Variants in RIT2 observed in about 807,000 individuals in gnomAD.
The protein encoded by RIT2 is Ras like without CAAX 2.
RIT2 carries 24 observed loss-of-function variants against 23.7 expected under a neutral mutation model. That is an observed-to-expected ratio of 1.01 (90% CI 0.73 to 1.43). The LOEUF (loss-of-function observed/expected upper bound fraction) is 1.43, where lower values mean the gene tolerates loss of function less well. Ranked by LOEUF, RIT2 falls within the 40% of genes most tolerant of loss-of-function variation. The probability of loss-of-function intolerance (pLI) is 0.00; values close to 1 mark genes in which losing one functional copy is unlikely to be tolerated. For synonymous variants in RIT2, 107 were observed against 91.1 expected (o/e 1.17, Z -0.99); for missense variants, 236 against 266.9 (o/e 0.88, Z 0.81).
At chr18:42,762,473 C>T (rs1295077463) in intron 4 of RIT2, among the ~76,000 whole-genome samples, 4 of 152,110 alleles carry the variant, frequency 2.6e-5, no homozygotes, top group African/African-American at 9.7e-5. Flanking sequence ...AAGATCATTA[C>T]ATTCTAACAA....
chr18:42,828,857 T>C (rs1906378611), intron 4 of RIT2, among the ~76,000 whole-genome samples: 1 of 152,202 alleles, frequency 6.6e-6, no homozygotes, highest in Non-Finnish European at 1.5e-5. Flanking sequence ...AAAATTAGCA[T>C]CCCTTCTCCT....
intron 4 of RIT2, among the ~76,000 whole-genome samples, chr18:42,775,109 C>G (rs1257938949): frequency 6.6e-6 from 1 of 152,166 alleles, no homozygotes; most frequent in Non-Finnish European, 1.5e-5. Flanking sequence ...ACAAAAGTTT[C>G]TTACATACAT....
At chr18:43,074,131 C>A (rs912085850) in intron 1 of RIT2, among the ~76,000 whole-genome samples, 2 of 152,090 alleles carry the variant, frequency 1.3e-5, no homozygotes, top group Non-Finnish European at 2.9e-5. Flanking sequence ...ACTAAATAAT[C>A]TTTTGCTATT....
intron 2 of RIT2, among the ~76,000 whole-genome samples, chr18:42,986,802 G>A (rs1487762814): frequency 6.6e-6 from 1 of 151,738 alleles, no homozygotes; most frequent in Non-Finnish European, 1.5e-5. Flanking sequence ...AGCCCAGCCA[G>A]CTGTTTATTT....
chr18:42,932,055 T>A (rs1909338840), intron 3 of RIT2, among the ~76,000 whole-genome samples: 1 of 152,144 alleles, frequency 6.6e-6, no homozygotes, highest in South Asian at 2.1e-4. Flanking sequence ...AACCAAATGA[T>A]CTTGTTTTGC....
chr18:42,881,350 T>C (rs1307241250), intron 4 of RIT2, among the ~76,000 whole-genome samples: 2 of 152,230 alleles, frequency 1.3e-5, no homozygotes. Context: ...CTTATACTAA[T>C]AGATTCAAAT....
intron 4 of RIT2, among the ~76,000 whole-genome samples, chr18:42,862,646 T>C (rs1598688556): frequency 6.6e-6 from 1 of 152,226 alleles, no homozygotes; most frequent in South Asian, 2.1e-4. Context: ...TAAAACTTGA[T>C]CTAATTCTCA....
intron 4 of RIT2, among the ~76,000 whole-genome samples, chr18:42,764,598 G>A (rs1397576030): frequency 6.6e-6 from 1 of 152,094 alleles, no homozygotes; most frequent in Non-Finnish European, 1.5e-5. Flanking sequence ...CATCTTTCCA[G>A]GTACCTTATA....
At chr18:42,790,931 A>C (rs990710509) in intron 4 of RIT2, among the ~76,000 whole-genome samples, 1 of 152,114 alleles carries the variant, frequency 6.6e-6, no homozygotes, top group Non-Finnish European at 1.5e-5. Flanking sequence ...AACAGAGACA[A>C]CGCCATCAAC....
chr18:42,802,908 T>TTG (rs1905581288), intron 4 of RIT2, among the ~76,000 whole-genome samples: 2 of 152,196 alleles, frequency 1.3e-5, no homozygotes, highest in East Asian at 3.9e-4. Context: ...CCAGCTTTTT[T>TTG]TGTGTGTGTG....
intron 4 of RIT2, among the ~76,000 whole-genome samples, chr18:42,845,794 T>G (rs530837156): frequency 1.3e-5 from 2 of 151,778 alleles, no homozygotes; most frequent in Non-Finnish European, 3.0e-5. Flanking sequence ...AATAAACACT[T>G]CTATAAAAAA....
In RIT2 at chr18:42,896,203, G is replaced by A. The variant is rs186432353; in HGVS notation, c.426+27369C>T. Among the ~76,000 whole-genome samples the A allele has an allele frequency of 2.0e-3, 301 of 152,326 alleles. 1 individual carries two copies. The highest frequency in any genetic ancestry group is 4.8e-3 in the African/African-American group (198 of 41,582). On this transcript the variant is annotated intron_variant, in intron 4 of 4. Transcript: ENST00000326695. ...CATTTGTACCTGGGAGGTGGATGTT[G>A]CAGTGAGCTGAGATCGTGCCATTGC... is the stretch of plus-strand genomic sequence containing the variant.
chr18:42,914,988 T>C (rs1048161065), intron 4 of RIT2, among the ~76,000 whole-genome samples: 1 of 104,392 alleles, frequency 9.6e-6, no homozygotes, highest in Non-Finnish European at 2.0e-5. Context: ...TCCCTAAGCA[T>C]GTGGTTGAGT....
intron 4 of RIT2, among the ~76,000 whole-genome samples, chr18:42,805,142 AT>A (rs940916540): frequency 6.6e-6 from 1 of 152,234 alleles, no homozygotes; most frequent in Non-Finnish European, 1.5e-5. Flanking sequence ...AAAATTAAGA[AT>A]TTTTATCACA....
At chr18:42,830,558 G>A (rs558951658) in intron 4 of RIT2, among the ~76,000 whole-genome samples, 29 of 152,254 alleles carry the variant, frequency 1.9e-4, no homozygotes, top group African/African-American at 6.7e-4. Context: ...GGATTAAGAA[G>A]ATTAAACTTT....
chr18:42,945,404 A>C (rs1909704893), intron 3 of RIT2, among the ~76,000 whole-genome samples: 1 of 151,792 alleles, frequency 6.6e-6, no homozygotes, highest in African/African-American at 2.4e-5. Context: ...TTATCAGTTT[A>C]ATATTCATTT....
chr18:42,934,184 T>A (rs1909399173), intron 3 of RIT2, among the ~76,000 whole-genome samples: 1 of 151,998 alleles, frequency 6.6e-6, no homozygotes, highest in African/African-American at 2.4e-5. Context: ...AAAAAAATCA[T>A]TGTTTGTTCT....
chr18:42,914,837 T>A (rs183846683), intron 4 of RIT2, among the ~76,000 whole-genome samples: 2 of 152,070 alleles, frequency 1.3e-5, no homozygotes, highest in East Asian at 3.9e-4. Context: ...TTTTTCATAG[T>A]ATTCTAGAGT....
intron 4 of RIT2, among the ~76,000 whole-genome samples, chr18:42,886,536 C>G (rs565879341): frequency 6.2e-4 from 94 of 152,228 alleles, no homozygotes; most frequent in African/African-American, 2.1e-3. Context: ...TCTGCCAGAC[C>G]ATTTGGGAAA....
Sources: allele counts gnomAD v4.1 joint callset (sites outside exome capture counted in the v4.1 genomes callset), GRCh38; gene constraint gnomAD v4.1.1; transcripts MANE v1.5; gene names NCBI Gene and HGNC (gene_info 2026-07-23, HGNC 2026-07-21).